Variants in KCNT2 observed in about 807,000 individuals in gnomAD.
The protein encoded by KCNT2 is potassium sodium-activated channel subfamily T member 2, also known as potassium channel subfamily T member 2.
KCNT2 carries 67 observed loss-of-function variants against 153.8 expected under a neutral mutation model. The ratio of observed to expected loss-of-function variants is 0.44; its 90% CI spans 0.36 to 0.53. The LOEUF is 0.53. Ranked by LOEUF, KCNT2 falls within the 20% of genes least tolerant of loss-of-function variation. The pLI is 0.00. For synonymous variants in KCNT2, 500 were observed against 458.8 expected (o/e 1.09, Z -1.15); for missense variants, 975 against 1,354.8 (o/e 0.72, Z 4.40).
At chr1:196,279,837 T>C (rs532006133) in intron 25 of KCNT2, among the ~76,000 whole-genome samples, 90 of 152,166 alleles carry the variant, frequency 5.9e-4, no homozygotes, top group Admixed American at 2.7e-3. Flanking sequence ...AACTATAAAT[T>C]TGATCAGCAA....
At chr1:196,385,826 T>C (rs1341859546) in intron 13 of KCNT2, among the ~76,000 whole-genome samples, 1 of 151,584 alleles carries the variant, frequency 6.6e-6, no homozygotes, top group Non-Finnish European at 1.5e-5. Flanking sequence ...AAAATTGAAA[T>C]GATAATATAA....
chr1:196,274,026 T>C (rs1571870970), intron 25 of KCNT2, among the ~76,000 whole-genome samples: 2 of 151,666 alleles, frequency 1.3e-5, no homozygotes, highest in East Asian at 3.9e-4. Flanking sequence ...TAATCATTAT[T>C]GGTGTTAATA....
At chr1:196,417,204 A>G (rs867054232) in intron 12 of KCNT2, among the ~76,000 whole-genome samples, 1 of 152,092 alleles carries the variant, frequency 6.6e-6, no homozygotes, top group African/African-American at 2.4e-5. Context: ...TACATATATA[A>G]AAAACACAGG....
chr1:196,410,321 CT>C (rs202243607), intron 12 of KCNT2, among the ~76,000 whole-genome samples: 8,753 of 142,962 alleles, frequency 0.061, 380 homozygotes, highest in Non-Finnish European at 0.089. Context: ...AAGTTTATTG[CT>C]TTTTTTTTTT....
chr1:196,320,997 AT>A (rs145815049), intron 19 of KCNT2, among the ~76,000 whole-genome samples: 36 of 143,572 alleles, frequency 2.5e-4, no homozygotes, highest in Middle Eastern at 3.5e-3. Context: ...TTAAGCATTG[AT>A]TTTTTTTTTA....
At chr1:196,402,459 T>C (rs975392925) in intron 12 of KCNT2, among the ~76,000 whole-genome samples, 1 of 151,518 alleles carries the variant, frequency 6.6e-6, no homozygotes, top group African/African-American at 2.4e-5. Flanking sequence ...AACAATGATA[T>C]AAAGCTCACT....
At chr1:196,277,853 A>G (rs147067701) in intron 25 of KCNT2, among the ~76,000 whole-genome samples, 2 of 152,132 alleles carry the variant, frequency 1.3e-5, no homozygotes, top group Admixed American at 1.3e-4. Context: ...ATCTTAAAAA[A>G]ATAATGTTTT....
At chr1:196,467,994 A>G (rs1677763789) in intron 6 of KCNT2, among the ~76,000 whole-genome samples, 2 of 152,120 alleles carry the variant, frequency 1.3e-5, no homozygotes, top group Non-Finnish European at 2.9e-5. Context: ...AAATTATTGC[A>G]GAAGCAAAAA....
At chr1:196,394,861 A>T (rs917812371) in intron 13 of KCNT2, among the ~76,000 whole-genome samples, 1 of 151,492 alleles carries the variant, frequency 6.6e-6, no homozygotes, top group African/African-American at 2.4e-5. Flanking sequence ...GATTTAGTAG[A>T]CACCTATGTT....
intron 12 of KCNT2, among the ~76,000 whole-genome samples, chr1:196,413,857 G>T (rs376268962): frequency 6.6e-6 from 1 of 151,268 alleles, no homozygotes; most frequent in South Asian, 2.1e-4. Flanking sequence ...TATTAATTTT[G>T]CATTTTAATG....
intron 14 of KCNT2, among the ~76,000 whole-genome samples, chr1:196,370,863 T>C (rs1442796695): frequency 6.6e-6 from 1 of 152,062 alleles, no homozygotes; most frequent in Non-Finnish European, 1.5e-5. Context: ...TATTATTCAG[T>C]TGTAAAAAGG....
intron 1 of KCNT2, among the ~76,000 whole-genome samples, chr1:196,583,307 G>T (rs1158521651): frequency 6.6e-6 from 1 of 151,996 alleles, no homozygotes; most frequent in Non-Finnish European, 1.5e-5. Flanking sequence ...TTGCATGTTG[G>T]TACCATATTT....
chr1:196,440,962 C>G (rs1441246153), intron 8 of KCNT2, among the ~76,000 whole-genome samples: 1 of 151,734 alleles, frequency 6.6e-6, no homozygotes, highest in Non-Finnish European at 1.5e-5. Flanking sequence ...CCACAGCAGC[C>G]AAACAAAGCA....
chr1:196,579,217 G>A (rs763954968), intron 1 of KCNT2, among the ~76,000 whole-genome samples: 21 of 151,958 alleles, frequency 1.4e-4, no homozygotes, highest in Non-Finnish European at 2.5e-4. Flanking sequence ...GCAAAATAAC[G>A]CAGGGACAGA....
At chr1:196,521,278 T>G (rs2148822897) in intron 1 of KCNT2, among the ~76,000 whole-genome samples, 1 of 152,116 alleles carries the variant, frequency 6.6e-6, no homozygotes, top group South Asian at 2.1e-4. Flanking sequence ...GGCTATTATT[T>G]TTAAGAAGTC....
intron 10 of KCNT2, among the ~76,000 whole-genome samples, chr1:196,426,728 G>A (rs1266467444): frequency 2.0e-5 from 3 of 151,568 alleles, no homozygotes; most frequent in African/African-American, 7.3e-5. Flanking sequence ...TGTATGATAT[G>A]GTTTGGATTT....
Position 196,398,610 on chromosome 1 carries a change from T to A in KCNT2, c.1247A>T (p.Tyr416Phe). 1 of 1,608,868 alleles carries A rather than the reference T, an allele frequency of 6.2e-7. No homozygotes were observed. The highest frequency in any genetic ancestry group is 8.5e-7 in the Non-Finnish European group (1 of 1,176,546). Reference protein sequence around the residue: ...VKDFAPNCPLYVQILKPENKF... With the variant: ...VKDFAPNCPLFVQILKPENKF... ...ATTTTCAGGCTTTAATATCTGGACA[T>A]ACAAAGGACAATTTGGAGCAAAATC... Residue 416 changes from tyrosine (Y) to phenylalanine (F), a missense_variant, in exon 13 of 28, where the codon TAT becomes TTT. Physicochemically the swap from Tyr to Phe is conservative, Grantham distance 22. This residue lies in a region of KCNT2 where 202 missense variants were observed against 314.9 expected (regional missense o/e 0.64). Transcript: ENST00000294725.
chr1:196,348,602 A>T (rs958299450), intron 14 of KCNT2, among the ~76,000 whole-genome samples: 1 of 152,188 alleles, frequency 6.6e-6, no homozygotes, highest in African/African-American at 2.4e-5. Flanking sequence ...TTTCAAAATC[A>T]TTGCTAGCTA....
At chr1:196,482,681 C>A (rs548247032) in intron 3 of KCNT2, among the ~76,000 whole-genome samples, 2 of 151,652 alleles carry the variant, frequency 1.3e-5, no homozygotes, top group African/African-American at 4.8e-5. Flanking sequence ...AATTCTACAC[C>A]GAAAAGTCAT....
Sources: gnomAD v4.1 joint callset for allele counts (sites outside exome capture counted in the v4.1 genomes callset) on GRCh38, gnomAD v4.1.1 for gene constraint, gnomAD v4.1.1 regional missense constraint, MANE v1.5 for transcripts, NCBI Gene and HGNC (gene_info 2026-07-23, HGNC 2026-07-21) for gene names.